GAS7: variants seen among roughly 807,000 people sequenced by gnomAD.
GAS7 encodes the protein growth arrest specific 7, also known as growth arrest-specific protein 7.
GAS7 carries 28 observed loss-of-function variants against 71.1 expected under a neutral mutation model. The ratio of observed to expected loss-of-function variants is 0.39; its 90% CI spans 0.29 to 0.54. The LOEUF (loss-of-function observed/expected upper bound fraction) is 0.54. Among genes scored for constraint, GAS7 ranks in the 20% least tolerant of loss-of-function variants. GAS7 has a pLI of 0.62. For missense variants in GAS7, 436 were observed against 627.8 expected (o/e 0.69, Z 3.27); for synonymous variants, 258 against 245.8 (o/e 1.05, Z -0.46).
intron 2 of GAS7, among the ~76,000 whole-genome samples, chr17:10,002,460 T>C (rs1341583483): frequency 6.6e-6 from 1 of 152,044 alleles, no homozygotes; most frequent in East Asian, 1.9e-4. Context: ...GTGCACAACA[T>C]GCAGGTTTGT....
chr17:10,020,382 A>G lies in GAS7; in HGVS notation c.184-485T>C, dbSNP rs191623473. Among the ~76,000 whole-genome samples, 2 of 152,318 alleles carry G rather than the reference A, an allele frequency of 1.3e-5. 1 individual carries two copies. Among genetic ancestry groups the G allele is most frequent in the East Asian group, 3.9e-4 (2 of 5,186 alleles). On this transcript the variant is annotated intron_variant, in intron 1 of 13. Transcript: ENST00000432992. ...AGCCAGATGCAAAACATTCTATAAT[A>G]ATGCTGAGAATCCATGAAGAGCTGG...
At chr17:10,172,049 G>C (rs2074338768) in intron 1 of GAS7, among the ~76,000 whole-genome samples, 1 of 152,184 alleles carries the variant, frequency 6.6e-6, no homozygotes, top group South Asian at 2.1e-4. Flanking sequence ...ATTCGCAAAA[G>C]CAACATACTA....
At chr17:10,108,072 G>A (rs1425666659) in intron 1 of GAS7, among the ~76,000 whole-genome samples, 1 of 152,088 alleles carries the variant, frequency 6.6e-6, no homozygotes, top group Non-Finnish European at 1.5e-5. Context: ...AGTCCAGAGG[G>A]GGTCTGGGCA....
intron 1 of GAS7, among the ~76,000 whole-genome samples, chr17:10,179,294 T>C (rs1986506): frequency 0.12 from 18,470 of 151,722 alleles, 1,257 homozygotes; most frequent in Admixed American, 0.21. Context: ...GATCGTTCCA[T>C]TGCACTCCAG....
rs117722608 is a variant in GAS7, at chr17:10,073,147, G to A, written c.184-53250C>T. On this transcript the variant is annotated intron_variant, in intron 1 of 13. Coordinates refer to ENST00000432992, the MANE Select transcript of GAS7 (RefSeq NM_201433.2). ...TGGCACAGCCAGAGAACAGTGACAAGTGACATGTGAATCACACAGATGAGG... is the reference window on the plus strand; with the variant it reads ...TGGCACAGCCAGAGAACAGTGACAAATGACATGTGAATCACACAGATGAGG... Among the ~76,000 whole-genome samples, 1,032 of 152,334 alleles carry A rather than the reference G, an allele frequency of 6.8e-3. 7 individuals are homozygous for A. The highest frequency in any genetic ancestry group is 9.6e-3 in the Non-Finnish European group (655 of 68,032).
chr17:10,073,144 C>T (rs2073358328), intron 1 of GAS7, among the ~76,000 whole-genome samples: 1 of 152,168 alleles, frequency 6.6e-6, no homozygotes, highest in African/African-American at 2.4e-5. Context: ...AGAACAGTGA[C>T]AAGTGACATG....
At chr17:10,131,844 TG>T (rs1745084414) in intron 1 of GAS7, among the ~76,000 whole-genome samples, 1 of 152,090 alleles carries the variant, frequency 6.6e-6, no homozygotes, top group South Asian at 2.1e-4. Flanking sequence ...TGCTCATGAG[TG>T]TATTAAAACA....
chr17:10,160,061 G>A (rs11659049), intron 1 of GAS7, among the ~76,000 whole-genome samples: 28,866 of 150,466 alleles, frequency 0.19, 3,036 homozygotes, highest in African/African-American at 0.26. Flanking sequence ...CTACAGGTGC[G>A]TGCCACCACA....
At chr17:10,178,491 T>C (rs1168582398) in intron 1 of GAS7, among the ~76,000 whole-genome samples, 2 of 151,908 alleles carry the variant, frequency 1.3e-5, no homozygotes, top group African/African-American at 4.8e-5. Context: ...CTAAACCCTA[T>C]CAGGATCTGA....
At chr17:9,964,529 T>C (rs2069628225) in intron 4 of GAS7, among the ~76,000 whole-genome samples, 1 of 152,226 alleles carries the variant, frequency 6.6e-6, no homozygotes, top group African/African-American at 2.4e-5. Flanking sequence ...TCCCCCTTGC[T>C]GCCTCCAGGC....
intron 1 of GAS7, among the ~76,000 whole-genome samples, chr17:10,093,342 C>T (rs990163928): frequency 9.2e-5 from 14 of 151,714 alleles, no homozygotes; most frequent in South Asian, 2.1e-4. Flanking sequence ...CTTTGGGAGG[C>T]GGGCAGATCA....
chr17:9,964,790 A>G (rs1268474639), intron 4 of GAS7, among the ~76,000 whole-genome samples: 1 of 152,192 alleles, frequency 6.6e-6, no homozygotes, highest in African/African-American at 2.4e-5. Context: ...ACGCAGGGCT[A>G]TAGATATCAC....
intron 2 of GAS7, among the ~76,000 whole-genome samples, chr17:9,998,764 T>G (rs2071149006): frequency 2.0e-5 from 3 of 150,370 alleles, no homozygotes; most frequent in African/African-American, 7.5e-5. Context: ...GTTAGGACAA[T>G]CAATCTTGGC....
At chr17:10,111,882 T>A (rs2073816951) in intron 1 of GAS7, among the ~76,000 whole-genome samples, 2 of 152,160 alleles carry the variant, frequency 1.3e-5, no homozygotes, top group African/African-American at 2.4e-5. Flanking sequence ...CTAGACCAGA[T>A]ACACTCTGCT....
intron 1 of GAS7, among the ~76,000 whole-genome samples, chr17:10,196,055 G>A (rs1313555930): frequency 5.3e-5 from 8 of 152,148 alleles, no homozygotes; most frequent in Non-Finnish European, 7.4e-5. Flanking sequence ...AGCTGTCCTC[G>A]TTTTAGCCCT....
At chr17:9,942,434 G>A (rs1402054109) in intron 7 of GAS7, among the ~76,000 whole-genome samples, 1 of 152,052 alleles carries the variant, frequency 6.6e-6, no homozygotes, top group Non-Finnish European at 1.5e-5. Context: ...AGAGAGAGGA[G>A]GAAGGAGATA....
chr17:10,034,350 C>G lies in GAS7; in HGVS notation c.184-14453G>C, dbSNP rs8064692. ...TTTTTAGACAGTCTTGCTGTGTCAC[C>G]CAGGCTGGAGTGCAGTGGCGTGATC... On this transcript the variant is annotated intron_variant, in intron 1 of 13. Coordinates refer to ENST00000432992, the MANE Select transcript of GAS7 (RefSeq NM_201433.2). The surrounding 1 kb of genome is among the most constrained non-coding windows in gnomAD (Gnocchi z 4.4). The G allele has an allele frequency of 7.5e-3, 3,291 of 437,402 alleles. 118 individuals carry two copies. The highest frequency in any genetic ancestry group is 0.066 in the African/African-American group (3,054 of 46,502). 27.1% of individuals were successfully genotyped at this position (437,402 alleles called of 1,614,324 possible).
chr17:10,158,976 C>A (rs2074227997), intron 1 of GAS7, among the ~76,000 whole-genome samples: 2 of 148,404 alleles, frequency 1.3e-5, no homozygotes, highest in African/African-American at 2.5e-5. Flanking sequence ...AGGATCATCA[C>A]CTGAGCCCAG....
intron 1 of GAS7, among the ~76,000 whole-genome samples, chr17:10,030,448 T>G (rs1402371962): frequency 1.3e-5 from 2 of 152,232 alleles, no homozygotes; most frequent in African/African-American, 2.4e-5. Flanking sequence ...GACCATGTCC[T>G]GTGGAACTGT....
Sources: gnomAD v4.1 joint callset for allele counts (sites outside exome capture counted in the v4.1 genomes callset) on GRCh38, gnomAD v4.1.1 for gene constraint, Gnocchi (gnomAD v3.1) non-coding constraint, MANE v1.5 for transcripts, NCBI Gene and HGNC (gene_info 2026-07-23, HGNC 2026-07-21) for gene names.